PDZRN4: variants seen among roughly 807,000 people sequenced by gnomAD.
PDZRN4 encodes PDZ domain-containing RING finger protein 4.
In PDZRN4, 70 loss-of-function variants were observed where a neutral mutation model predicts 99.0. The observed-to-expected ratio is 0.71, with a 90% CI of 0.58 to 0.86. The LOEUF (loss-of-function observed/expected upper bound fraction) is 0.86. PDZRN4 is among the 40% of genes least tolerant of loss of function. The probability of loss-of-function intolerance (pLI) is 0.00; values close to 1 mark genes in which losing one functional copy is unlikely to be tolerated. For synonymous variants in PDZRN4, 551 were observed against 501.6 expected (o/e 1.10, Z -1.32); for missense variants, 1,474 against 1,331.2 (o/e 1.11, Z -1.67).
At chr12:41,258,166 G>T (rs1197308919) in intron 3 of PDZRN4, among the ~76,000 whole-genome samples, 7 of 152,218 alleles carry the variant, frequency 4.6e-5, no homozygotes, top group African/African-American at 1.7e-4. Context: ...GATTATACTG[G>T]ACCAGTTGGT....
Position 41,573,702 on chromosome 12 carries a change from C to A in PDZRN4, c.2923C>A (p.Pro975Thr), listed in dbSNP as rs1449920436. The change falls in exon 10 of 10, where the codon CCT becomes ACT. Residue 975 changes from proline to threonine, a missense_variant. Pro to Thr is a conservative substitution (Grantham distance 38, BLOSUM62 -1). Transcript: ENST00000402685. Reference protein sequence around the residue: ...RSRLECLKESPQSGSEGKKEI... With the variant: ...RSRLECLKESTQSGSEGKKEI... The stretch of plus-strand genomic sequence containing the variant: ...CAGGTTAGAGTGTCTCAAGGAGAGC[C>A]CTCAGAGCGGCAGTGAGGGCAAGAA... 3 of 1,613,794 alleles carry A rather than the reference C, an allele frequency of 1.9e-6. No individual in the cohort carries two copies. The highest frequency in any genetic ancestry group is 1.1e-5 in the South Asian group (1 of 91,066).
intron 7 of PDZRN4, among the ~76,000 whole-genome samples, chr12:41,560,037 T>G (rs1939242649): frequency 6.6e-6 from 1 of 152,138 alleles, no homozygotes; most frequent in Non-Finnish European, 1.5e-5. Flanking sequence ...TCTCAGGTAT[T>G]TCTTTATAGC....
chr12:41,321,199 G>A (rs1366572607), intron 3 of PDZRN4, among the ~76,000 whole-genome samples: 1 of 152,080 alleles, frequency 6.6e-6, no homozygotes, highest in African/African-American at 2.4e-5. Context: ...GGATTATGCA[G>A]CCCTTTAGTG....
chr12:41,341,326 A>G (rs1951815484), intron 3 of PDZRN4, among the ~76,000 whole-genome samples: 1 of 151,894 alleles, frequency 6.6e-6, no homozygotes, highest in South Asian at 2.1e-4. Flanking sequence ...TACCACTCCT[A>G]TTCAATGTAG....
intron 3 of PDZRN4, among the ~76,000 whole-genome samples, chr12:41,241,657 A>G (rs1393534578): frequency 2.6e-5 from 4 of 152,244 alleles, no homozygotes; most frequent in African/African-American, 7.2e-5. Context: ...TGCAAGGTCT[A>G]TAATAGGAAT....
intron 3 of PDZRN4, among the ~76,000 whole-genome samples, chr12:41,254,259 T>G (rs1290307762): frequency 1.3e-5 from 2 of 152,088 alleles, no homozygotes; most frequent in Non-Finnish European, 2.9e-5. Context: ...TTTAGCATAG[T>G]GAAGATATTA....
In PDZRN4 at chr12:41,256,384, A is replaced by C. The variant is rs889401333; in HGVS notation, c.843+62196A>C. Among the ~76,000 whole-genome samples, 8 of 152,196 alleles carry C rather than the reference A, an allele frequency of 5.3e-5. No individual in the cohort carries two copies. The South Asian group carries it at 6.2e-4, about 12-fold the overall frequency. ...GAAAAAAAATTAAGAAGTGTGGCAAAAAGGGAACACTTAAATACCTTTATC... is the reference window on the plus strand; with the variant it reads ...GAAAAAAAATTAAGAAGTGTGGCAACAAGGGAACACTTAAATACCTTTATC... On this transcript the variant is annotated intron_variant, in intron 3 of 9. Coordinates refer to ENST00000402685, the MANE Select transcript of PDZRN4 (RefSeq NM_001164595.2).
At chr12:41,272,059 AT>A (rs35359476) in intron 3 of PDZRN4, among the ~76,000 whole-genome samples, 108,229 of 150,452 alleles carry the variant, frequency 0.72, 39,087 homozygotes, top group East Asian at 0.9. Flanking sequence ...CAAATAGAGT[AT>A]TTTTTTTTTT....
chr12:41,558,743 G>T (rs149370058), intron 7 of PDZRN4, among the ~76,000 whole-genome samples: 27 of 152,276 alleles, frequency 1.8e-4, no homozygotes, highest in African/African-American at 6.5e-4. Flanking sequence ...TGACAAATAT[G>T]TCACACTTAA....
chr12:41,390,821 A>G (rs1952205554), intron 3 of PDZRN4, among the ~76,000 whole-genome samples: 1 of 152,164 alleles, frequency 6.6e-6, no homozygotes, highest in Admixed American at 6.6e-5. Context: ...CTTGGTAATA[A>G]TATTTATTGT....
At chr12:41,217,052 C>T (rs962367924) in intron 3 of PDZRN4, among the ~76,000 whole-genome samples, 2 of 152,068 alleles carry the variant, frequency 1.3e-5, no homozygotes, top group Non-Finnish European at 2.9e-5. Flanking sequence ...GTGAATGATC[C>T]TTTCATATCC....
chr12:41,459,808 G>A, intron 3 of PDZRN4: 1 of 459,804 alleles, frequency 2.2e-6, no homozygotes, highest in Non-Finnish European at 3.4e-6. Context: ...TTTGAAGACA[G>A]CATAGCCCTG....
rs776396917 is a variant in PDZRN4, at chr12:41,573,366, G to C, written c.2587G>C (p.Val863Leu). 1.9e-6 allele frequency: 3 copies of C among 1,613,356 alleles called. No homozygotes were observed. The South Asian group carries it at 3.3e-5, about 18-fold the overall frequency. Residue 863 changes from valine to leucine, a missense_variant, in exon 10 of 10, where the codon GTC (valine) becomes CTC (leucine). Val to Leu is a conservative substitution (Grantham distance 32). Transcript: ENST00000402685. Reference protein sequence around the residue: ...YMQLIQQKSAVEYAQSQLSLV... With the variant: ...YMQLIQQKSALEYAQSQLSLV... ...GCAGTTAATTCAACAGAAATCTGCA[G>C]TCGAGTATGCTCAGAGTCAGCTCAG...
chr12:41,523,445 G>C (rs1938524887), intron 5 of PDZRN4, among the ~76,000 whole-genome samples: 1 of 152,144 alleles, frequency 6.6e-6, no homozygotes, highest in African/African-American at 2.4e-5. Context: ...GCCAAACATA[G>C]TGAGCTCAGT....
chr12:41,252,475 C>G (rs1474585964), intron 3 of PDZRN4, among the ~76,000 whole-genome samples: 1 of 152,158 alleles, frequency 6.6e-6, no homozygotes, highest in Non-Finnish European at 1.5e-5. Context: ...AGGCCAGGCG[C>G]AGTGGCTCAT....
intron 3 of PDZRN4, among the ~76,000 whole-genome samples, chr12:41,228,274 T>A (rs1472429566): frequency 6.6e-6 from 1 of 152,186 alleles, no homozygotes; most frequent in Non-Finnish European, 1.5e-5. Context: ...ATTTATGTCA[T>A]CATAATTATC....
At chr12:41,569,881 G>A (rs914492848) in intron 9 of PDZRN4, among the ~76,000 whole-genome samples, 1 of 152,018 alleles carries the variant, frequency 6.6e-6, no homozygotes, top group African/African-American at 2.4e-5. Flanking sequence ...ATATAGGTAG[G>A]GCAGATTAAA....
chr12:41,530,935 C>T (rs1425251207), intron 5 of PDZRN4, among the ~76,000 whole-genome samples: 2 of 152,088 alleles, frequency 1.3e-5, no homozygotes, highest in African/African-American at 4.8e-5. Context: ...GCTCAAACCC[C>T]TAGGGTAGCA....
rs759018976 is a variant in PDZRN4 at position 41,188,444 on chromosome 12, C to T, written c.-12C>T. 20 of 1,568,860 alleles carry T rather than the reference C, an allele frequency of 1.3e-5. No individual in the cohort carries two copies. The Admixed American group carries it at 3.5e-4, about 28-fold the overall frequency. On this transcript the variant is annotated 5_prime_UTR_variant, in exon 1 of 10. Coordinates refer to ENST00000402685, the MANE Select transcript of PDZRN4 (RefSeq NM_001164595.2). ...CTCTGCTTTCGCTCCCCCTTTCTTC[C>T]CCATCCCTAACATGGGCTTTGCCCT...
Sources: gnomAD v4.1 joint callset for allele counts (sites outside exome capture counted in the v4.1 genomes callset) on GRCh38, gnomAD v4.1.1 for gene constraint, MANE v1.5 for transcripts, NCBI Gene and HGNC (gene_info 2026-07-23, HGNC 2026-07-21) for gene names.